The following KIF27 variants were observed in gnomAD, a reference collection of about 807,000 sequenced individuals.
The protein encoded by KIF27 is kinesin family member 27.
KIF27 carries 84 observed loss-of-function variants against 141.8 expected under a neutral mutation model. The observed-to-expected ratio is 0.59, with a 90% CI of 0.50 to 0.71. The LOEUF (loss-of-function observed/expected upper bound fraction) is 0.71, where lower values mean the gene tolerates loss of function less well. Among genes scored for constraint, KIF27 ranks in the 30% least tolerant of loss-of-function variants. KIF27 has a pLI of 0.00. For synonymous variants in KIF27, 471 were observed against 569.5 expected (o/e 0.83, Z 2.46); for missense variants, 1,306 against 1,628.4 (o/e 0.80, Z 3.41).
chr9:83,870,254 C>G (rs1588098350), intron 12 of KIF27, among the ~76,000 whole-genome samples: 1 of 152,070 alleles, frequency 6.6e-6, no homozygotes, highest in Non-Finnish European at 1.5e-5. Context: ...GCAGCCTCCA[C>G]CTCCAGGGTT....
chr9:83,895,366 T>C (rs1251867115), intron 5 of KIF27, among the ~76,000 whole-genome samples: 2 of 151,748 alleles, frequency 1.3e-5, no homozygotes, highest in African/African-American at 4.8e-5. Flanking sequence ...TAAAAATCAA[T>C]ATCCATTCAT....
chr9:83,894,522 C>A (rs1373750655), intron 5 of KIF27, among the ~76,000 whole-genome samples: 1 of 152,198 alleles, frequency 6.6e-6, no homozygotes, highest in African/African-American at 2.4e-5. Flanking sequence ...TTATGCTGTA[C>A]ACCTGCTTTC....
At chr9:83,894,060 C>A (rs1174576328) in intron 5 of KIF27, among the ~76,000 whole-genome samples, 1 of 152,046 alleles carries the variant, frequency 6.6e-6, no homozygotes, top group Non-Finnish European at 1.5e-5. Flanking sequence ...GAAAAATAAA[C>A]CTTATCAAAA....
At chr9:83,890,061 G>A (rs1239641444) in intron 6 of KIF27, among the ~76,000 whole-genome samples, 1 of 152,146 alleles carries the variant, frequency 6.6e-6, no homozygotes, top group East Asian at 1.9e-4. Flanking sequence ...AATCTTAGAG[G>A]AGACAGTCCA....
rs1055101 is a variant in KIF27 at position 83,837,539 on chromosome 9, A to G, written c.3722-54T>C. The G allele has an allele frequency of 2.9e-4, 435 of 1,506,188 alleles. 4 individuals carry two copies. The South Asian group carries it at 5.6e-3, about 19-fold the overall frequency. 93.3% of individuals were successfully genotyped at this position (1,506,188 alleles called of 1,614,324 possible). On this transcript the variant is annotated intron_variant, in intron 17 of 17. Coordinates refer to ENST00000297814, the MANE Select transcript of KIF27 (RefSeq NM_017576.4). Reference sequence around the variant, plus strand: ...AGATACTATTTCCTCAAAATTAGGTATTTTAATCAAAACATCTTAACATAA... The same window carrying G: ...AGATACTATTTCCTCAAAATTAGGTGTTTTAATCAAAACATCTTAACATAA...
chr9:83,865,170 C>G (rs895611756), intron 13 of KIF27, among the ~76,000 whole-genome samples: 2 of 152,100 alleles, frequency 1.3e-5, no homozygotes, highest in African/African-American at 4.8e-5. Flanking sequence ...TCTGTTGTAT[C>G]TTTCTGGAAT....
intron 5 of KIF27, among the ~76,000 whole-genome samples, chr9:83,898,192 A>G (rs10121143): frequency 6.6e-6 from 1 of 152,240 alleles, no homozygotes; most frequent in African/African-American, 2.4e-5. Context: ...ACAGTAGAAC[A>G]GAAAATAAAT....
chr9:83,906,017 TA>T (rs997279895), intron 3 of KIF27, among the ~76,000 whole-genome samples: 1 of 152,248 alleles, frequency 6.6e-6, no homozygotes, highest in African/African-American at 2.4e-5. Flanking sequence ...TGATCAAGTT[TA>T]TCAAGAGTGA....
chr9:83,848,272 G>A lies in KIF27; in HGVS notation c.3556+1827C>T, dbSNP rs12343397. ...CAGATATGATATATATGATATATCAGATATGATATATATGATATATCAGAT... is the reference window on the plus strand; with the variant it reads ...CAGATATGATATATATGATATATCAAATATGATATATATGATATATCAGAT... On this transcript the variant is annotated intron_variant, in intron 16 of 17. Coordinates refer to ENST00000297814, the MANE Select transcript of KIF27 (RefSeq NM_017576.4). Among the ~76,000 whole-genome samples, 2 of 72,658 alleles carry A rather than the reference G, an allele frequency of 2.8e-5. 1 individual carries two copies. The highest frequency in any genetic ancestry group is 1.1e-4 in the African/African-American group (2 of 17,432). 47.7% of individuals were successfully genotyped at this position (72,658 alleles called of 152,430 possible).
At chr9:83,882,746 G>C (rs1468920695) in intron 10 of KIF27, among the ~76,000 whole-genome samples, 2 of 152,170 alleles carry the variant, frequency 1.3e-5, no homozygotes, top group Non-Finnish European at 2.9e-5. Flanking sequence ...ACAGCAGGAA[G>C]CAAAGCATGG....
chr9:83,894,841 C>T (rs898422119), intron 5 of KIF27, among the ~76,000 whole-genome samples: 5 of 152,116 alleles, frequency 3.3e-5, no homozygotes, highest in African/African-American at 1.2e-4. Flanking sequence ...ATTGAGTTCT[C>T]ATAGTACATC....
chr9:83,850,830 CTTTTTTTT>C lies in KIF27; in HGVS notation c.3358-541_3358-534del, dbSNP rs202212264. On this transcript the variant is annotated intron_variant, in intron 15 of 17. Transcript: ENST00000297814. Reference sequence around the variant, plus strand: ...TGGAATTCTGAATTGATGACATTTTCTTTTTTTTTTTTTTTTTTTTTTTTTTTTGAGGA... The same window carrying C: ...TGGAATTCTGAATTGATGACATTTTCTTTTTTTTTTTTTTTTTTTTGAGGA... 4.0e-4 allele frequency among the ~76,000 whole-genome samples: 27 copies of C among 67,520 alleles called. 1 individual carries two copies. The East Asian group carries it at 5.9e-3, about 15-fold the overall frequency. The allele number at this position is 67,520 out of a possible 152,430, so 44.3% of individuals were successfully genotyped here.
chr9:83,880,584 G>T (rs1588143659), intron 10 of KIF27, 90 bp from the exon 11 acceptor site: 1 of 1,012,696 alleles, frequency 9.9e-7, no homozygotes, highest in Non-Finnish European at 1.5e-6. Context: ...GGTAAAAGAA[G>T]AAATTTTCCC....
At chr9:83,879,445 C>A (rs929897302) in intron 11 of KIF27, among the ~76,000 whole-genome samples, 5 of 150,234 alleles carry the variant, frequency 3.3e-5, no homozygotes, top group African/African-American at 1.2e-4. Flanking sequence ...TATCTCTGCA[C>A]CTTCCTTTCA....
At chr9:83,908,713 C>G in intron 2 of KIF27, 61 bp from the exon 3 acceptor site, 1 of 989,600 alleles carries the variant, frequency 1.0e-6, no homozygotes, top group Non-Finnish European at 1.5e-6. Context: ...GCTACAACCC[C>G]AAATTTATAG....
intron 11 of KIF27, 147 bp downstream of exon 11, chr9:83,880,150 A>C (rs1438341500): frequency 1.6e-6 from 2 of 1,223,918 alleles, no homozygotes; most frequent in African/African-American, 3.0e-5. Flanking sequence ...GTAGATGAAC[A>C]AAGCTTTAAA....
intron 11 of KIF27, among the ~76,000 whole-genome samples, chr9:83,879,075 G>C (rs1468660319): frequency 6.6e-6 from 1 of 151,060 alleles, no homozygotes; most frequent in Non-Finnish European, 1.5e-5. Context: ...CTACTCAGGA[G>C]GCTGAGGCAG....
intron 2 of KIF27, among the ~76,000 whole-genome samples, chr9:83,911,514 C>G (rs1372004114): frequency 6.6e-6 from 1 of 152,132 alleles, no homozygotes; most frequent in South Asian, 2.1e-4. Flanking sequence ...CAGGCGTGAG[C>G]CACCACACCC....
At chr9:83,878,511 T>C (rs1453555534) in intron 11 of KIF27, among the ~76,000 whole-genome samples, 4 of 152,310 alleles carry the variant, frequency 2.6e-5, no homozygotes, top group Admixed American at 1.3e-4. Context: ...CAAGTGTCCA[T>C]TGATGGATGA....
Sources: allele counts gnomAD v4.1 joint callset (sites outside exome capture counted in the v4.1 genomes callset), GRCh38; gene constraint gnomAD v4.1.1; transcripts MANE v1.5; gene names NCBI Gene and HGNC (gene_info 2026-07-23, HGNC 2026-07-21).